TRMT11: variants seen among roughly 807,000 people sequenced by gnomAD.
TRMT11 encodes tRNA methyltransferase 11, also known as tRNA (guanine(10)-N(2))-methyltransferase TRMT11.
In TRMT11, 53 loss-of-function variants were observed where a neutral mutation model predicts 62.8. That is an observed-to-expected ratio of 0.84 (90% CI 0.68 to 1.06). TRMT11 has a LOEUF of 1.06. Among genes scored for constraint, TRMT11 ranks in the 50% least tolerant of loss-of-function variants. The probability of loss-of-function intolerance (pLI) is 0.00; values close to 1 mark genes in which losing one functional copy is unlikely to be tolerated. For synonymous variants in TRMT11, 188 were observed against 190.3 expected, an observed-to-expected ratio of 0.99 and a Z score of 0.10; for missense variants, 556 against 553.4, an observed-to-expected ratio of 1.00 and a Z score of -0.05.
the TRMT11 span, among the ~76,000 whole-genome samples, chr6:126,270,270 G>A: frequency 3.3e-5 from 5 of 151,972 alleles, no homozygotes; most frequent in Non-Finnish European, 5.9e-5. Flanking sequence ...TACAGAATTC[G>A]ACAAAATTGA....
chr6:126,184,739 G>A (rs1428161850), intron 1 of TRMT11, among the ~76,000 whole-genome samples: 1 of 152,168 alleles, frequency 6.6e-6, no homozygotes, highest in East Asian at 1.9e-4. Flanking sequence ...GTTGTAGGAG[G>A]ATTCTGTGGG....
At chr6:125,986,673 G>A (rs1428915020) in intron 1 of TRMT11, 51 bp downstream of exon 1, 17 of 1,509,388 alleles carry the variant, frequency 1.1e-5, no homozygotes, top group Non-Finnish European at 1.4e-5. Flanking sequence ...ACGCTGGAGT[G>A]GAGTGGAGTG....
chr6:126,186,013 G>A (rs939121300), intron 1 of TRMT11, among the ~76,000 whole-genome samples: 3 of 152,106 alleles, frequency 2.0e-5, no homozygotes, highest in Non-Finnish European at 2.9e-5. Context: ...GATGAGATTC[G>A]GGTGGGGACA....
At chr6:126,112,063 A>G (rs929147038) in intron 17 of TRMT11, among the ~76,000 whole-genome samples, 1 of 152,148 alleles carries the variant, frequency 6.6e-6, no homozygotes, top group Non-Finnish European at 1.5e-5. Context: ...CACACAGACC[A>G]TTCAGCTCAA....
At chr6:126,173,671 G>A (rs2128237476), upstream of TRMT11, among the ~76,000 whole-genome samples, 1 of 152,182 alleles carries the variant, frequency 6.6e-6, no homozygotes, top group East Asian at 1.9e-4. Context: ...ATACAAGACT[G>A]GTGTTAGCGG....
chr6:126,081,471 G>T (rs1309822872), intron 17 of TRMT11, among the ~76,000 whole-genome samples: 3 of 152,172 alleles, frequency 2.0e-5, no homozygotes, highest in Non-Finnish European at 4.4e-5. Context: ...GCAGAAAGTA[G>T]TGCATCAGAT....
At chr6:126,258,312 G>A in the TRMT11 span, 4,011 of 424,030 alleles carry the variant, frequency 9.5e-3, 152 homozygotes, top group African/African-American at 0.074. Flanking sequence ...CCACTGCCCC[G>A]CCCTGGGGCC....
At chr6:126,113,204 A>G (rs567299132) in intron 18 of TRMT11, among the ~76,000 whole-genome samples, 3 of 152,150 alleles carry the variant, frequency 2.0e-5, no homozygotes, top group Non-Finnish European at 4.4e-5. Context: ...AAGCTGTAGT[A>G]TTTTGACTGC....
chr6:126,137,108 A>G (rs1777859775), intron 21 of TRMT11, among the ~76,000 whole-genome samples: 1 of 151,814 alleles, frequency 6.6e-6, no homozygotes, highest in East Asian at 1.9e-4. Context: ...TCAAAAGCAC[A>G]GGCAACAAAA....
intron 3 of TRMT11, among the ~76,000 whole-genome samples, chr6:125,996,287 G>A (rs1235607369): frequency 1.3e-5 from 2 of 152,340 alleles, no homozygotes; most frequent in Admixed American, 6.5e-5. Flanking sequence ...TTATGCGGGA[G>A]TATAGTATGA....
At chr6:126,248,858 C>T in the TRMT11 span, among the ~76,000 whole-genome samples, 2 of 152,102 alleles carry the variant, frequency 1.3e-5, no homozygotes, top group South Asian at 4.1e-4. Context: ...CTACTCAATA[C>T]TGCTTATTAT....
chr6:126,266,441 T>G, the TRMT11 span, among the ~76,000 whole-genome samples: 1 of 152,180 alleles, frequency 6.6e-6, no homozygotes, highest in Non-Finnish European at 1.5e-5. Context: ...GCAGCTTTTT[T>G]GGTGTGTTTT....
intron 1 of TRMT11, among the ~76,000 whole-genome samples, chr6:126,190,531 T>C (rs1778586180): frequency 6.6e-6 from 1 of 152,134 alleles, no homozygotes; most frequent in Non-Finnish European, 1.5e-5. Flanking sequence ...ACGAGTCAAT[T>C]AAACCTCCTT....
the TRMT11 span, among the ~76,000 whole-genome samples, chr6:126,269,187 C>G: frequency 6.8e-6 from 1 of 146,824 alleles, no homozygotes. Context: ...TGGCGTGAAC[C>G]CGGGAGGCGG....
intron 16 of TRMT11, among the ~76,000 whole-genome samples, chr6:126,050,440 C>T (rs937319224): frequency 1.3e-5 from 2 of 151,908 alleles, no homozygotes; most frequent in East Asian, 1.9e-4. Flanking sequence ...CAGTGGCTCA[C>T]GCCTGTATTC....
At chr6:126,101,699 A>G (rs1480169833) in intron 17 of TRMT11, among the ~76,000 whole-genome samples, 1 of 152,254 alleles carries the variant, frequency 6.6e-6, no homozygotes, top group East Asian at 1.9e-4. Flanking sequence ...TCAGACGTGG[A>G]CAGCTGATCA....
intron 21 of TRMT11, among the ~76,000 whole-genome samples, chr6:126,157,955 C>G (rs1562336448): frequency 1.3e-5 from 2 of 152,256 alleles, no homozygotes; most frequent in East Asian, 3.9e-4. Context: ...GCCTTTGTAA[C>G]CAACACTAGA....
At chr6:126,038,623 A>G in intron 12 of TRMT11, 82 bp from the exon 13 acceptor site, 9 of 1,259,286 alleles carry the variant, frequency 7.1e-6, no homozygotes, top group Non-Finnish European at 9.7e-6. Flanking sequence ...TTTGCTTAAG[A>G]TTTTGCTTAA....
chr6:126,168,622 G>A (rs886645828), intron 21 of TRMT11, among the ~76,000 whole-genome samples: 3 of 152,136 alleles, frequency 2.0e-5, no homozygotes, highest in Non-Finnish European at 4.4e-5. Context: ...GGGTTCAAGC[G>A]ATTCTCCTGC....
Sources: gnomAD v4.1 joint callset for allele counts (sites outside exome capture counted in the v4.1 genomes callset) on GRCh38, gnomAD v4.1.1 for gene constraint, MANE v1.5 for transcripts, NCBI Gene and HGNC (gene_info 2026-07-23, HGNC 2026-07-21) for gene names.